Variants in UNC13B observed in about 807,000 individuals in gnomAD.
UNC13B encodes unc-13 homolog B.
Under a neutral mutation model 211.0 loss-of-function variants are expected in UNC13B, and 144 were observed. The observed-to-expected ratio is 0.68, with a 90% CI of 0.60 to 0.78. The LOEUF is 0.78. Among genes scored for constraint, UNC13B ranks in the 30% least tolerant of loss-of-function variants. The probability of loss-of-function intolerance (pLI) is 0.00; values close to 1 mark genes in which losing one functional copy is unlikely to be tolerated. For missense variants in UNC13B, 1,777 were observed against 2,002.0 expected (o/e 0.89, Z 2.14); for synonymous variants, 709 against 725.8 (o/e 0.98, Z 0.37).
At chr9:35,358,930 C>G (rs1019015719) in intron 11 of UNC13B, among the ~76,000 whole-genome samples, 10 of 151,950 alleles carry the variant, frequency 6.6e-5, no homozygotes, top group Non-Finnish European at 5.9e-5. Context: ...GAACTCCTGA[C>G]CTGAAGTGAT....
rs963210258 is a variant in UNC13B at position 35,307,890 on chromosome 9, C to G, written c.8486C>G (p.Ala2829Gly). Residue 2829 changes from alanine to glycine, a missense_variant, in exon 9 of 40, where the codon GCA (alanine) becomes GGA (glycine). Ala to Gly is a moderately conservative substitution (Grantham distance 60, BLOSUM62 0). Transcript: ENST00000635942. ...GSSEGKGSVL[A>G]SDSKLGFGKV... ...AGTGAGGGGAAAGGGAGTGTATTAG[C>G]AAGTGATTCAAAACTAGGATTTGGA... 1.5e-5 allele frequency: 6 copies of G among 398,816 alleles called. No homozygotes were observed. The highest frequency in any genetic ancestry group is 2.1e-5 in the African/African-American group (1 of 48,612). The allele number at this position is 398,816 out of a possible 1,614,324, so 24.7% of individuals were successfully genotyped here. A position where few individuals can be genotyped will look rare whatever the true frequency, so the allele number is the denominator to read the frequency against.
intron 24 of UNC13B, 95 bp from the exon 25 acceptor site, chr9:35,389,751 A>G: frequency 1.5e-6 from 2 of 1,349,552 alleles, no homozygotes; most frequent in South Asian, 2.5e-5. Context: ...AGGAAGAGGT[A>G]TAGGAAGGGG....
Position 35,310,651 on chromosome 9 carries a change from C to T in UNC13B, c.9193C>T (p.Pro3065Ser). 4 of 1,613,896 alleles carry T rather than the reference C, an allele frequency of 2.5e-6. No homozygotes were observed. The highest frequency in any genetic ancestry group is 3.4e-6 in the Non-Finnish European group (4 of 1,179,990). The change falls in exon 10 of 40, where the codon CCC becomes TCC. Residue 3065 changes from proline to serine, a missense_variant. Transcript: ENST00000635942. ...GQAGFGEQEK[P>S]LEVTGQAEKE... Reference sequence around the variant, plus strand: ...AGCAGGTTTTGGAGAACAAGAGAAACCCTTGGAGGTGACAGGTCAAGCAGA... The same window carrying T: ...AGCAGGTTTTGGAGAACAAGAGAAATCCTTGGAGGTGACAGGTCAAGCAGA...
rs142442316 is a variant in UNC13B at position 35,377,552 on chromosome 9, G to A, written c.9920G>A (p.Arg3307Gln). 127 of 1,614,252 alleles carry A rather than the reference G, an allele frequency of 7.9e-5. No homozygotes were observed. The East Asian group carries it at 1.2e-3, about 15-fold the overall frequency. The change falls in exon 16 of 40, where the codon CGA becomes CAA. Residue 3307 changes from arginine (R) to glutamine (Q), a missense_variant. Physicochemically the swap from Arg to Gln is conservative, Grantham distance 43. Coordinates refer to ENST00000635942, the MANE Select transcript of UNC13B (RefSeq NM_001371189.2). ...GCCATGAAGGACCGCATGAAGATCC[G>A]AGAGCGAAATAAGCCAGAGATCTTT... ...IMAMKDRMKI[R>Q]ERNKPEIFEV...
intron 11 of UNC13B, among the ~76,000 whole-genome samples, chr9:35,347,353 T>C (rs1236235377): frequency 2.6e-5 from 4 of 152,230 alleles, no homozygotes; most frequent in African/African-American, 9.6e-5. Flanking sequence ...TCAACTGACT[T>C]GGAGATCAAA....
At chr9:35,225,847 G>A (rs1824806672) in intron 1 of UNC13B, among the ~76,000 whole-genome samples, 1 of 152,112 alleles carries the variant, frequency 6.6e-6, no homozygotes, top group Admixed American at 6.5e-5. Context: ...CAGTGCCAGT[G>A]GCTGACCAAG....
intron 11 of UNC13B, among the ~76,000 whole-genome samples, chr9:35,348,433 A>T (rs768632286): frequency 6.6e-6 from 1 of 152,196 alleles, no homozygotes; most frequent in Non-Finnish European, 1.5e-5. Context: ...TCCTTACCTT[A>T]AAAAGAAAAC....
rs1020470364 is a variant in UNC13B, at chr9:35,384,610, A to G, written c.10875+296A>G. Reference sequence around the variant, plus strand: ...CTCATTAGGGAGTTTCCTGAGGATAATCTCTTCCAGGAGTATCCTTTTAAA... The same window carrying G: ...CTCATTAGGGAGTTTCCTGAGGATAGTCTCTTCCAGGAGTATCCTTTTAAA... On this transcript the variant is annotated intron_variant, in intron 22 of 39. Coordinates refer to ENST00000635942, the MANE Select transcript of UNC13B (RefSeq NM_001371189.2). 57 of 985,358 alleles carry G rather than the reference A, an allele frequency of 5.8e-5. No individual in the cohort carries two copies. In the African/African-American group the frequency reaches 9.1e-4, roughly 16 times the overall value. The allele number at this position is 985,358 out of a possible 1,614,324, so 61.0% of individuals were successfully genotyped here.
intron 6 of UNC13B, among the ~76,000 whole-genome samples, chr9:35,251,023 C>T (rs1006565777): frequency 8.0e-6 from 1 of 124,750 alleles, no homozygotes; most frequent in Non-Finnish European, 1.6e-5. Context: ...AGTGCAGTGG[C>T]GCGATCTCTG....
Position 35,399,281 on chromosome 9 carries a change from G to T in UNC13B, c.12195G>T (p.Gln4065His), listed in dbSNP as rs978246152. The change falls in exon 34 of 40, where the codon CAG (glutamine) becomes CAT (histidine). Residue 4065 changes from glutamine (Q) to histidine (H), a missense_variant. Physicochemically the swap from Gln to His is conservative, Grantham distance 24. Transcript: ENST00000635942. ...RMIVLPPLTD[Q>H]TGTQLIFTAA... ...TTGTTCTGCCCCCACTCACTGACCA[G>T]ACGGTAAGGACACCTCCTTCCACTT... 3.1e-6 allele frequency: 5 copies of T among 1,614,148 alleles called. No individual in the cohort carries two copies. Among genetic ancestry groups the T allele is most frequent in the Middle Eastern group, 1.6e-4 (1 of 6,062 alleles).
chr9:35,336,716 T>C (rs1831681866), intron 11 of UNC13B, among the ~76,000 whole-genome samples: 1 of 152,188 alleles, frequency 6.6e-6, no homozygotes, highest in Non-Finnish European at 1.5e-5. Context: ...TCTGCCTTCA[T>C]GATCTGTTCA....
At chr9:35,356,208 T>G (rs1445497275) in intron 11 of UNC13B, among the ~76,000 whole-genome samples, 1 of 152,162 alleles carries the variant, frequency 6.6e-6, no homozygotes, top group Non-Finnish European at 1.5e-5. Flanking sequence ...CTCACCAACA[T>G]AGACTTCACT....
chr9:35,397,693 A>G lies in UNC13B; in HGVS notation c.11735A>G (p.Tyr3912Cys), dbSNP rs756954134. The change falls in exon 30 of 40, where the codon TAT becomes TGT. Residue 3912 changes from tyrosine (Y) to cysteine (C), a missense_variant. Transcript: ENST00000635942. ...ADILSKDFPA[Y>C]CTKEKLPCIL... ...ATCTTGTCAAAGGACTTCCCAGCCT[A>G]TTGCACAAAGGAGAAACTGGTAGGT... 2.2e-5 allele frequency: 36 copies of G among 1,613,946 alleles called. No homozygotes were observed. The highest frequency in any genetic ancestry group is 3.3e-5 in the South Asian group (3 of 91,052).
chr9:35,221,360 A>G (rs1223887808), intron 1 of UNC13B, among the ~76,000 whole-genome samples: 1 of 152,122 alleles, frequency 6.6e-6, no homozygotes, highest in Non-Finnish European at 1.5e-5. Flanking sequence ...GTGAGCCACC[A>G]TGCCCGGCCT....
At position 35,266,843 on chromosome 9, in the gene UNC13B, T is replaced by C. The variant is rs369528712; in HGVS notation, c.526+7793T>C. 7.5e-4 allele frequency among the ~76,000 whole-genome samples: 115 copies of C among 152,368 alleles called. 1 individual carries two copies. In the South Asian group the frequency reaches 0.019, roughly 25 times the overall value. The stretch of plus-strand genomic sequence containing the variant: ...TTATCCCCCATTTTATTACCATTTC[T>C]AGCATTTAGGCTGACTTGTGCCCAT... On this transcript the variant is annotated intron_variant, in intron 7 of 39. Coordinates refer to ENST00000635942, the MANE Select transcript of UNC13B (RefSeq NM_001371189.2).
intron 7 of UNC13B, among the ~76,000 whole-genome samples, chr9:35,261,486 A>C (rs1827269516): frequency 6.6e-6 from 1 of 151,986 alleles, no homozygotes; most frequent in African/African-American, 2.4e-5. Flanking sequence ...TTATTTTTTA[A>C]TTTTTATGGG....
intron 6 of UNC13B, among the ~76,000 whole-genome samples, chr9:35,243,575 G>A (rs979586998): frequency 6.6e-6 from 1 of 152,158 alleles, no homozygotes; most frequent in African/African-American, 2.4e-5. Flanking sequence ...CTCCCATACT[G>A]TGGTACTAGT....
In UNC13B at chr9:35,307,096, C is replaced by T. The variant is rs918730711; in HGVS notation, c.7692C>T (p.Leu2564=). ...CAGCACTAAGTTCAGAATCTACTCTCAGTGACTGTAGAATGACTGTGGTTA... is the reference window on the plus strand; with the variant it reads ...CAGCACTAAGTTCAGAATCTACTCTTAGTGACTGTAGAATGACTGTGGTTA... ...AFTALSSEST[L]SDCRMTVVSA... The change falls in exon 9 of 40, where the codon CTC becomes CTT. Residue 2564 remains leucine, a synonymous_variant. Coordinates refer to ENST00000635942, the MANE Select transcript of UNC13B (RefSeq NM_001371189.2). The T allele has an allele frequency of 6.5e-5, 26 of 399,022 alleles. No individual in the cohort carries two copies. The highest frequency in any genetic ancestry group is 1.3e-3 in the Middle Eastern group (2 of 1,588). The allele number at this position is 399,022 out of a possible 1,614,324, so 24.7% of individuals were successfully genotyped here. A position where few individuals can be genotyped will look rare whatever the true frequency, so the allele number is the denominator to read the frequency against.
chr9:35,319,290 C>A (rs1476137307), intron 11 of UNC13B, among the ~76,000 whole-genome samples: 2 of 150,598 alleles, frequency 1.3e-5, no homozygotes, highest in Non-Finnish European at 2.9e-5. Context: ...GTAATCCCAG[C>A]TACTTGGGAG....
Sources: allele counts gnomAD v4.1 joint callset (sites outside exome capture counted in the v4.1 genomes callset), GRCh38; gene constraint gnomAD v4.1.1; transcripts MANE v1.5; gene names NCBI Gene and HGNC (gene_info 2026-07-23, HGNC 2026-07-21).